Variants in SCUBE3 observed in about 807,000 individuals in gnomAD.
SCUBE3 encodes the protein signal peptide, CUB domain and EGF like domain containing 3, also known as signal peptide, CUB and EGF-like domain-containing protein 3.
Under a neutral mutation model 116.8 loss-of-function variants are expected in SCUBE3, and 33 were observed. The ratio of observed to expected loss-of-function variants is 0.28; its 90% CI spans 0.21 to 0.38. SCUBE3 has a LOEUF of 0.38. Ranked by LOEUF, SCUBE3 falls within the 10% of genes least tolerant of loss-of-function variation. SCUBE3 has a pLI of 1.00. For synonymous variants in SCUBE3, 418 were observed against 496.9 expected (o/e 0.84, Z 2.11); for missense variants, 1,007 against 1,324.8 (o/e 0.76, Z 3.72).
In SCUBE3 at chr6:35,232,450, C is replaced by T. The variant is rs1783589410; in HGVS notation, c.470-400C>T. 6.6e-6 allele frequency among the ~76,000 whole-genome samples: 1 copy of T among 152,000 alleles called. No individual in the cohort carries two copies. The highest frequency in any genetic ancestry group is 2.1e-4 in the South Asian group (1 of 4,780). On this transcript the variant is annotated intron_variant, in intron 4 of 21. Transcript: ENST00000274938. This position sits in a 1 kb window ranked among gnomAD's most constrained non-coding sequence, Gnocchi z 4.2. ...ACTCTCATTGTAGATCTGATTGCTACTGATCTTCTTCCCAGTTTGACTGTA... is the reference window on the plus strand; with the variant it reads ...ACTCTCATTGTAGATCTGATTGCTATTGATCTTCTTCCCAGTTTGACTGTA...
intron 1 of SCUBE3, among the ~76,000 whole-genome samples, chr6:35,218,311 T>C (rs1003587408): frequency 6.6e-6 from 1 of 151,878 alleles, no homozygotes; most frequent in Non-Finnish European, 1.5e-5. Flanking sequence ...AGTGGGGCAA[T>C]ATGCATTTTG....
chr6:35,224,554 G>A (rs1318754152), intron 1 of SCUBE3: 1 of 144,100 alleles, frequency 6.9e-6, no homozygotes, highest in Non-Finnish European at 1.5e-5. Context: ...CTTGAACCTG[G>A]GAGGCAGAGG....
intron 1 of SCUBE3, among the ~76,000 whole-genome samples, chr6:35,215,853 T>C (rs1355928602): frequency 2.0e-5 from 3 of 152,180 alleles, no homozygotes; most frequent in African/African-American, 7.2e-5. Flanking sequence ...AGCCCCACAC[T>C]GCCTCTTTTC....
At chr6:35,236,567 A>G (rs1783782671) in intron 6 of SCUBE3, among the ~76,000 whole-genome samples, 2 of 151,852 alleles carry the variant, frequency 1.3e-5, no homozygotes, top group Admixed American at 6.6e-5. Context: ...ACGATATCCC[A>G]CTCCAGGTTG....
chr6:35,233,216 G>A lies in SCUBE3; in HGVS notation c.627G>A (p.Gln209=). 1.2e-6 allele frequency: 2 copies of A among 1,613,696 alleles called. No individual in the cohort carries two copies. The highest frequency in any genetic ancestry group is 8.5e-7 in the Non-Finnish European group (1 of 1,179,668). ...GCAACTATGGTAACGGCGGCTGCCAGCACACGTGTGATGACACAGAGCAGG... is the reference window on the plus strand; with the variant it reads ...GCAACTATGGTAACGGCGGCTGCCAACACACGTGTGATGACACAGAGCAGG... ...LTCNYGNGGC[Q]HTCDDTEQGP... Residue 209 remains glutamine (Q), a synonymous_variant, in exon 6 of 22, where the codon CAG becomes CAA. Coordinates refer to ENST00000274938, the MANE Select transcript of SCUBE3 (RefSeq NM_152753.4). This position sits in a 1 kb window ranked among gnomAD's most constrained non-coding sequence, Gnocchi z 5.7.
intron 1 of SCUBE3, chr6:35,224,659 A>G (rs966530211): frequency 2.7e-5 from 4 of 149,336 alleles, no homozygotes; most frequent in Admixed American, 2.7e-4. Context: ...AAAAAAAAGA[A>G]TCTGCTGGGA....
chr6:35,230,940 T>C (rs367936914), intron 3 of SCUBE3, among the ~76,000 whole-genome samples: 1 of 152,268 alleles, frequency 6.6e-6, no homozygotes, highest in South Asian at 2.1e-4. Flanking sequence ...AGGTGTTGAA[T>C]TGGGGGCTCC....
At chr6:35,242,839 C>T (rs1784134089) in intron 14 of SCUBE3, 59 bp downstream of exon 14, 14 of 1,588,424 alleles carry the variant, frequency 8.8e-6, no homozygotes, top group Non-Finnish European at 1.0e-5. Flanking sequence ...GGTGGGGAAA[C>T]CACAGGTCTC....
rs1783528225 is a variant in SCUBE3, at chr6:35,231,038, G to T, written c.335-687G>T. ...CTGCCCCCCACCCCCACCATCTAGG[G>T]TGTGGCCTGGCAGCTCTCCCCAGAT... On this transcript the variant is annotated intron_variant, in intron 3 of 21. Transcript: ENST00000274938. The surrounding 1 kb of genome is among the most constrained non-coding windows in gnomAD (Gnocchi z 4.2). Among the ~76,000 whole-genome samples the T allele has an allele frequency of 6.6e-6, 1 of 152,114 alleles. No homozygotes were observed. Among genetic ancestry groups the T allele is most frequent in the Admixed American group, 6.5e-5 (1 of 15,280 alleles).
rs1201024605 is a variant in SCUBE3 at position 35,235,575 on chromosome 6, T to C, written c.712+2274T>C. 1.3e-6 allele frequency: 1 copy of C among 760,330 alleles called. No individual in the cohort carries two copies. Among genetic ancestry groups the C allele is most frequent in the Non-Finnish European group, 2.0e-6 (1 of 507,350 alleles). The allele number at this position is 760,330 out of a possible 1,614,324, so 47.1% of individuals were successfully genotyped here. ...CCCGCTGGGGCTCCCACTAACTGCA[T>C]GCCCACTGGGCCCAGCCTGACTGGG... On this transcript the variant is annotated intron_variant, in intron 6 of 21. Coordinates refer to ENST00000274938, the MANE Select transcript of SCUBE3 (RefSeq NM_152753.4). The surrounding 1 kb of genome is among the most constrained non-coding windows in gnomAD (Gnocchi z 4.5).
intron 1 of SCUBE3, among the ~76,000 whole-genome samples, chr6:35,216,416 ATCC>A (rs1487937388): frequency 6.6e-5 from 10 of 152,172 alleles, no homozygotes; most frequent in Admixed American, 2.0e-4. Context: ...TTAGCTTGGT[ATCC>A]TCCTTCTTTT....
At chr6:35,226,649 AT>A (rs1783339810) in intron 1 of SCUBE3, among the ~76,000 whole-genome samples, 1 of 151,474 alleles carries the variant, frequency 6.6e-6, no homozygotes, top group African/African-American at 2.4e-5. Flanking sequence ...CACCTGGCTA[AT>A]TTTTGTATTT....
In SCUBE3 at chr6:35,235,484, G is replaced by A. The variant is rs771905508; in HGVS notation, c.712+2183G>A. The A allele has an allele frequency of 2.7e-5, 35 of 1,285,548 alleles. 1 individual carries two copies. The highest frequency in any genetic ancestry group is 1.7e-4 in the South Asian group (14 of 80,964). 79.6% of individuals were successfully genotyped at this position (1,285,548 alleles called of 1,614,324 possible). A position where few individuals can be genotyped will look rare whatever the true frequency, so the allele number is the denominator to read the frequency against. The stretch of plus-strand genomic sequence containing the variant: ...AGAGCAGCACATCCCCACTCAAGCC[G>A]TTTCTAATGGTAAATATGTCTGCTC... On this transcript the variant is annotated intron_variant, in intron 6 of 21. Coordinates refer to ENST00000274938, the MANE Select transcript of SCUBE3 (RefSeq NM_152753.4). This position sits in a 1 kb window ranked among gnomAD's most constrained non-coding sequence, Gnocchi z 4.5.
chr6:35,216,965 C>T lies in SCUBE3; in HGVS notation c.85+2462C>T, dbSNP rs571118524. On this transcript the variant is annotated intron_variant, in intron 1 of 21. Transcript: ENST00000274938. ...GTTCACCACAGTTACCCACAGGCAACATAGCTGGATGTCTGTGTTTCTTGT... is the reference window on the plus strand; with the variant it reads ...GTTCACCACAGTTACCCACAGGCAATATAGCTGGATGTCTGTGTTTCTTGT... 2.0e-5 allele frequency among the ~76,000 whole-genome samples: 3 copies of T among 151,992 alleles called. No individual in the cohort carries two copies. The East Asian group carries it at 5.8e-4, about 30-fold the overall frequency.
chr6:35,243,533 C>T lies in SCUBE3; in HGVS notation c.1910-61C>T. On this transcript the variant is annotated intron_variant, in intron 15 of 21. Coordinates refer to ENST00000274938, the MANE Select transcript of SCUBE3 (RefSeq NM_152753.4). The surrounding 1 kb of genome is among the most constrained non-coding windows in gnomAD (Gnocchi z 6.6). ...TGTGGCGGGGAGTGGGAAGGGGAGT[C>T]CCAGGCCTGGGTGGTGGGAAATGCG... is the stretch of plus-strand genomic sequence containing the variant. 2.1e-6 allele frequency: 3 copies of T among 1,462,064 alleles called. No individual in the cohort carries two copies. Among genetic ancestry groups the T allele is most frequent in the Admixed American group, 2.1e-5 (1 of 48,738 alleles). The allele number at this position is 1,462,064 out of a possible 1,614,324, so 90.6% of individuals were successfully genotyped here. A position where few individuals can be genotyped will look rare whatever the true frequency, so the allele number is the denominator to read the frequency against.
chr6:35,234,952 C>CTTCCAATAGAA (rs1172239728), intron 6 of SCUBE3, among the ~76,000 whole-genome samples: 1 of 152,222 alleles, frequency 6.6e-6, no homozygotes, highest in African/African-American at 2.4e-5. Flanking sequence ...TTTCCTAGTT[C>CTTCCAATAGAA]CTCTTCCTCT....
chr6:35,238,100 G>A (rs539547263), intron 7 of SCUBE3, 82 bp downstream of exon 7: 4 of 750,150 alleles, frequency 5.3e-6, no homozygotes, highest in Middle Eastern at 2.4e-4. Context: ...GCCTATTAGG[G>A]GATGACACCT....
At chr6:35,218,717 G>T (rs1226906964) in intron 1 of SCUBE3, among the ~76,000 whole-genome samples, 1 of 152,104 alleles carries the variant, frequency 6.6e-6, no homozygotes, top group East Asian at 1.9e-4. Context: ...ATGTCTAGGG[G>T]GTACAGGAGC....
rs1783977180 is a variant in SCUBE3 at position 35,240,222 on chromosome 6, G to A, written c.953-152G>A. 3 of 539,532 alleles carry A rather than the reference G, an allele frequency of 5.6e-6. No individual in the cohort carries two copies. The Admixed American group carries it at 1.1e-4, about 20-fold the overall frequency. The allele number at this position is 539,532 out of a possible 1,614,324, so 33.4% of individuals were successfully genotyped here. ...TAGAGGGGGCAGAGAAGATGGAATG[G>A]CATTGTTAAATCACTGGTCCTAGAG... On this transcript the variant is annotated intron_variant, in intron 8 of 21. Transcript: ENST00000274938. This position sits in a 1 kb window ranked among gnomAD's most constrained non-coding sequence, Gnocchi z 4.6.
Sources: gnomAD v4.1 joint callset for allele counts (sites outside exome capture counted in the v4.1 genomes callset) on GRCh38, gnomAD v4.1.1 for gene constraint, Gnocchi (gnomAD v3.1) non-coding constraint, MANE v1.5 for transcripts, NCBI Gene and HGNC (gene_info 2026-07-23, HGNC 2026-07-21) for gene names.